The following RAD54L2 variants were observed in gnomAD, a reference collection of about 807,000 sequenced individuals.
The protein encoded by RAD54L2 is helicase ARIP4.
In RAD54L2, 27 loss-of-function variants were observed where a neutral mutation model predicts 138.4. The observed-to-expected ratio is 0.20, with a 90% confidence interval of 0.14 to 0.27. RAD54L2 has a LOEUF of 0.27. Among genes scored for constraint, RAD54L2 ranks in the 10% least tolerant of loss-of-function variants. The probability of loss-of-function intolerance (pLI) is 1.00; values close to 1 mark genes in which losing one functional copy is unlikely to be tolerated. For synonymous variants in RAD54L2, 644 were observed against 723.2 expected (o/e 0.89, Z 1.76); for missense variants, 1,396 against 1,890.2 (o/e 0.74, Z 4.85).
chr3:51,567,381 A>G (rs1699240946), intron 2 of RAD54L2, among the ~76,000 whole-genome samples: 1 of 152,010 alleles, frequency 6.6e-6, no homozygotes, highest in African/African-American at 2.4e-5. Context: ...TACCTTTTTC[A>G]TTGTGTTATC....
chr3:51,585,213 G>T (rs1230252296), intron 2 of RAD54L2, among the ~76,000 whole-genome samples: 2 of 152,170 alleles, frequency 1.3e-5, no homozygotes. Context: ...ATTTGCGCTT[G>T]CTGTGGACTT....
chr3:51,550,773 G>A (rs193085123), intron 2 of RAD54L2, among the ~76,000 whole-genome samples: 2 of 152,262 alleles, frequency 1.3e-5, no homozygotes, highest in Non-Finnish European at 1.5e-5. Context: ...CAGGCACGGT[G>A]GCTTACACAT....
At position 51,663,643 on chromosome 3, in the gene RAD54L2, A is replaced by AAATCAG; in HGVS notation, c.*224_*229dup. On this transcript the variant is annotated 3_prime_UTR_variant, in exon 23 of 23. Coordinates refer to ENST00000684192, the MANE Select transcript of RAD54L2 (RefSeq NM_015106.4). ...AGTCCAACACAGCAGCAATAGCGGG[A>AAATCAG]AATCAGGGACCCAAAACAGGGATGG... is the stretch of plus-strand genomic sequence containing the variant. 1 of 523,490 alleles carries AAATCAG rather than the reference A, an allele frequency of 1.9e-6. No individual in the cohort carries two copies. Among genetic ancestry groups the AAATCAG allele is most frequent in the Admixed American group, 3.7e-5 (1 of 26,928 alleles). 32.4% of individuals were successfully genotyped at this position (523,490 alleles called of 1,614,324 possible).
intron 3 of RAD54L2, among the ~76,000 whole-genome samples, chr3:51,597,432 G>C (rs889421017): frequency 1.3e-5 from 2 of 152,062 alleles, no homozygotes; most frequent in Non-Finnish European, 2.9e-5. Flanking sequence ...GTGGTGTCAA[G>C]GTTAGGAGGT....
chr3:51,565,791 A>G (rs144554334), intron 2 of RAD54L2, among the ~76,000 whole-genome samples: 1,575 of 144,196 alleles, frequency 0.011, 19 homozygotes, highest in Non-Finnish European at 0.018. Flanking sequence ...ATTTTTCTTT[A>G]TTGATCTTTC....
intron 2 of RAD54L2, among the ~76,000 whole-genome samples, chr3:51,556,999 TCTGA>T (rs1228067206): frequency 6.6e-6 from 1 of 152,164 alleles, no homozygotes; most frequent in Non-Finnish European, 1.5e-5. Context: ...TCTCCCTTGT[TCTGA>T]CTAACTCCCC....
chr3:51,655,320 C>G (rs1337464692), intron 19 of RAD54L2, among the ~76,000 whole-genome samples: 1 of 152,024 alleles, frequency 6.6e-6, no homozygotes, highest in African/African-American at 2.4e-5. Context: ...TTTGTACACA[C>G]TGCTTTGGTG....
In RAD54L2 at chr3:51,628,126, C is replaced by T. The variant is rs552617519; in HGVS notation, c.341+372C>T. ...AAAGTTGAGTTCTCATCTTCTTAGA[C>T]GTCAACTTCAAATGGTAGAGGACTG... On this transcript the variant is annotated intron_variant, in intron 4 of 22. Transcript: ENST00000684192. 1.2e-4 allele frequency among the ~76,000 whole-genome samples: 19 copies of T among 152,204 alleles called. No homozygotes were observed. In the South Asian group the frequency reaches 2.3e-3, roughly 18 times the overall value.
At chr3:51,597,167 A>C (rs1160377365) in intron 3 of RAD54L2, among the ~76,000 whole-genome samples, 9 of 138,690 alleles carry the variant, frequency 6.5e-5, no homozygotes, top group South Asian at 2.2e-4. Flanking sequence ...CTTCATTTCA[A>C]AAAAAAAAAA....
At chr3:51,588,002 C>T (rs1012189358) in intron 2 of RAD54L2, among the ~76,000 whole-genome samples, 4 of 150,522 alleles carry the variant, frequency 2.7e-5, no homozygotes, top group East Asian at 2.0e-4. Flanking sequence ...CTGGCTAACA[C>T]GGTGAGACCC....
At chr3:51,633,542 G>A (rs1434000909) in intron 7 of RAD54L2, 35 bp from the exon 8 acceptor site, 3 of 1,577,794 alleles carry the variant, frequency 1.9e-6, no homozygotes, top group Admixed American at 1.7e-5. Flanking sequence ...TCATCTTTGT[G>A]AGCCCCTCTG....
At chr3:51,647,287 C>T (rs1407921837) in intron 19 of RAD54L2, among the ~76,000 whole-genome samples, 11 of 152,300 alleles carry the variant, frequency 7.2e-5, no homozygotes, top group African/African-American at 2.2e-4. Flanking sequence ...CCTGCAGCCT[C>T]GACCTGCTGG....
chr3:51,622,793 C>T (rs943133413), intron 3 of RAD54L2, among the ~76,000 whole-genome samples: 3 of 152,128 alleles, frequency 2.0e-5, no homozygotes, highest in East Asian at 1.9e-4. Flanking sequence ...CCTAAGTCTC[C>T]CTTGGATGAG....
At chr3:51,590,173 T>G (rs1020781680) in intron 2 of RAD54L2, among the ~76,000 whole-genome samples, 194 bp from the exon 3 acceptor site, 3 of 152,082 alleles carry the variant, frequency 2.0e-5, no homozygotes, top group African/African-American at 7.2e-5. Context: ...GTATTTTTAG[T>G]AGAGATGGGT....
In RAD54L2 at chr3:51,662,222, A is replaced by G. The variant is rs1483422031; in HGVS notation, c.3410-204A>G. Among the ~76,000 whole-genome samples the G allele has an allele frequency of 1.3e-5, 2 of 152,190 alleles. No individual in the cohort carries two copies. Among genetic ancestry groups the G allele is most frequent in the Non-Finnish European group, 2.9e-5 (2 of 68,038 alleles). On this transcript the variant is annotated intron_variant, in intron 22 of 22. Transcript: ENST00000684192. The surrounding 1 kb of genome is among the most constrained non-coding windows in gnomAD (Gnocchi z 4.6). ...GGGAACTGGGGTGCAGAAAAGTTAC[A>G]TGCCTTGTCATAGATAGACCTATTT...
chr3:51,549,402 A>G (rs1370114080), intron 2 of RAD54L2, among the ~76,000 whole-genome samples: 2 of 152,200 alleles, frequency 1.3e-5, no homozygotes, highest in Admixed American at 6.5e-5. Flanking sequence ...CCAGGTGGAC[A>G]TAGTTCGGCA....
chr3:51,660,412 C>G (rs535047495), intron 22 of RAD54L2, among the ~76,000 whole-genome samples: 2 of 148,596 alleles, frequency 1.3e-5, no homozygotes, highest in South Asian at 4.3e-4. Context: ...GGGTTCATGC[C>G]GTTCTCCTGC....
At chr3:51,602,157 C>T (rs1029088621) in intron 3 of RAD54L2, among the ~76,000 whole-genome samples, 6 of 151,962 alleles carry the variant, frequency 3.9e-5, no homozygotes, top group Non-Finnish European at 5.9e-5. Context: ...TTTTTTTGGC[C>T]CAGGGCATTG....
At chr3:51,617,408 G>A (rs541224387) in intron 3 of RAD54L2, among the ~76,000 whole-genome samples, 313 of 152,292 alleles carry the variant, frequency 2.1e-3, no homozygotes, top group African/African-American at 7.3e-3. Flanking sequence ...AGTTATTCTA[G>A]TGAGTGTCAA....
Sources: allele counts gnomAD v4.1 joint callset (sites outside exome capture counted in the v4.1 genomes callset), GRCh38; gene constraint gnomAD v4.1.1; non-coding constraint Gnocchi (gnomAD v3.1); transcripts MANE v1.5; gene names NCBI Gene and HGNC (gene_info 2026-07-23, HGNC 2026-07-21).